Variants in KDM5B observed in about 807,000 individuals in gnomAD.
KDM5B encodes the protein lysine demethylase 5B.
Under a neutral mutation model 193.4 loss-of-function variants are expected in KDM5B, and 144 were observed. The observed-to-expected ratio is 0.74, with a 90% CI of 0.65 to 0.86. The LOEUF is 0.86. Among genes scored for constraint, KDM5B ranks in the 40% least tolerant of loss-of-function variants. The pLI is 0.00. For synonymous variants in KDM5B, 668 were observed against 682.6 expected (o/e 0.98, Z 0.33); for missense variants, 1,833 against 1,886.9 (o/e 0.97, Z 0.53).
chr1:202,782,721 T>C (rs978880581), intron 1 of KDM5B, among the ~76,000 whole-genome samples: 7 of 152,218 alleles, frequency 4.6e-5, no homozygotes, highest in Admixed American at 3.3e-4. Flanking sequence ...GTAAAACTTG[T>C]ACTCCCTATC....
rs1471891697 is a variant in KDM5B, at chr1:202,779,842, A to AATAG, written c.205-2749_205-2748insCTAT. 1.9e-3 allele frequency among the ~76,000 whole-genome samples: 284 copies of AATAG among 151,280 alleles called. 6 individuals carry two copies. In the East Asian group the frequency reaches 0.042, roughly 22 times the overall value. On this transcript the variant is annotated intron_variant, in intron 1 of 26. Transcript: ENST00000367265. Reference sequence around the variant, plus strand: ...AAATAAATAAATAAATAAATAAATAAATAAAAAATAAAGGAAGAAAAAACA... The same window carrying AATAG: ...AAATAAATAAATAAATAAATAAATAAATAGATAAAAAATAAAGGAAGAAAAAACA...
At position 202,726,037 on chromosome 1, in the gene KDM5B, A is replaced by T. The variant is rs4950740; in HGVS notation, c.*2999T>A. On this transcript the variant is annotated 3_prime_UTR_variant, in exon 27 of 27. Transcript: ENST00000367265. ...GGGCCTTCAGAGTACAACCCAAATCAGTAGAGAGCCATGTTTCACCCTCTT... is the reference window on the plus strand; with the variant it reads ...GGGCCTTCAGAGTACAACCCAAATCTGTAGAGAGCCATGTTTCACCCTCTT... 1.3e-5 allele frequency: 2 copies of T among 152,028 alleles called. No individual in the cohort carries two copies. Among genetic ancestry groups the T allele is most frequent in the African/African-American group, 4.8e-5 (2 of 41,358 alleles). 9.4% of individuals were successfully genotyped at this position (152,028 alleles called of 1,614,324 possible).
intron 4 of KDM5B, among the ~76,000 whole-genome samples, chr1:202,769,309 T>A (rs1238616667): frequency 6.6e-6 from 1 of 151,238 alleles, no homozygotes; most frequent in Non-Finnish European, 1.5e-5. Context: ...GTGCTGGGAT[T>A]ACAGGCGTGA....
chr1:202,733,590 C>A lies in KDM5B; in HGVS notation c.3720G>T (p.Gln1240His). 2 of 1,614,156 alleles carry A rather than the reference C, an allele frequency of 1.2e-6. No individual in the cohort carries two copies. The highest frequency in any genetic ancestry group is 2.2e-5 in the East Asian group (1 of 44,882). Residue 1240 changes from glutamine to histidine, a missense_variant, in exon 23 of 27, where the codon CAG (glutamine) becomes CAT (histidine). Gln to His is a conservative substitution (Grantham distance 24). Around this residue, in one of 3 missense-constraint regions of KDM5B, gnomAD observed 1,379 missense variants for 1,349.6 expected, o/e 1.02. Transcript: ENST00000367265. ...EKILPLLASL[Q>H]RIRVRLPEGD... is the part of the protein sequence containing the mutation. The stretch of plus-strand genomic sequence containing the variant: ...CCTCAGGAAGGCGAACTCGGATACG[C>A]TGAAGGGAGGCGAGCAGGGGCAGAA...
Position 202,756,585 on chromosome 1 carries a change from T to C in KDM5B, c.1198-69A>G, listed in dbSNP as rs141888858. 2.0e-5 allele frequency: 25 copies of C among 1,250,854 alleles called. No individual in the cohort carries two copies. In the African/African-American group the frequency reaches 3.5e-4, roughly 17 times the overall value. 77.5% of individuals were successfully genotyped at this position (1,250,854 alleles called of 1,614,324 possible). A position where few individuals can be genotyped will look rare whatever the true frequency, so the allele number is the denominator to read the frequency against. ...GTCTGTGACCAATTAAGCTCAGTGA[T>C]GGGAATCAAAGAACAGCATCCTAAG... On this transcript the variant is annotated intron_variant, in intron 9 of 26. Transcript: ENST00000367265.
In KDM5B at chr1:202,733,425, T is replaced by C. The variant is rs759826874; in HGVS notation, c.3885A>G (p.Ala1295=). The change falls in exon 23 of 27, where the codon GCA becomes GCG. Residue 1295 remains alanine, a synonymous_variant. Transcript: ENST00000367265. ...GLLYSRWQAS[A]GQVSDTNKVS... ...CCTTGTTTGTGTCTGACACCTGTCC[T>C]GCTGAGGCTTGCCATCTGCTATATA... The C allele has an allele frequency of 6.2e-7, 1 of 1,613,226 alleles. No homozygotes were observed.
At chr1:202,760,128 A>G (rs1192348894) in intron 8 of KDM5B, among the ~76,000 whole-genome samples, 1 of 152,074 alleles carries the variant, frequency 6.6e-6, no homozygotes, top group Non-Finnish European at 1.5e-5. Flanking sequence ...GCCCTGGGCA[A>G]CATGGTGAAA....
At position 202,729,909 on chromosome 1, in the gene KDM5B, G is replaced by A. The variant is rs761059206; in HGVS notation, c.4295C>T (p.Thr1432Ile). The change falls in exon 26 of 27, where the codon ACC becomes ATC. Residue 1432 changes from threonine (T) to isoleucine (I), a missense_variant. Physicochemically the swap from Thr to Ile is moderately conservative, Grantham distance 89. Transcript: ENST00000367265. ...ERWERVKKMR[T>I]PKKKKIKLSH... ...CAGTTTGATTTTCTTCTTTTTGGGGGTCCGCATTTTCTTAACTCGTTCCCA... is the reference window on the plus strand; with the variant it reads ...CAGTTTGATTTTCTTCTTTTTGGGGATCCGCATTTTCTTAACTCGTTCCCA... 51 of 1,613,922 alleles carry A rather than the reference G, an allele frequency of 3.2e-5. No individual in the cohort carries two copies. In the South Asian group the frequency reaches 5.3e-4, roughly 17 times the overall value.
chr1:202,753,137 T>G (rs191950119), intron 11 of KDM5B, 70 bp from the exon 12 acceptor site: 450 of 1,349,328 alleles, frequency 3.3e-4, no homozygotes, highest in Non-Finnish European at 4.4e-4. Flanking sequence ...CCAGTTCATA[T>G]TTTTCAGACT....
chr1:202,758,585 G>A (rs1252125426), intron 8 of KDM5B, 75 bp from the exon 9 acceptor site: 5 of 1,273,706 alleles, frequency 3.9e-6, no homozygotes, highest in Non-Finnish European at 5.3e-6. Flanking sequence ...CAAGCTGGCA[G>A]ATAAAAAACA....
chr1:202,798,525 A>C (rs956946112), intron 1 of KDM5B, among the ~76,000 whole-genome samples: 2 of 151,482 alleles, frequency 1.3e-5, no homozygotes, highest in East Asian at 3.9e-4. Flanking sequence ...ACATCCCTTC[A>C]TGGCCAGCCT....
intron 18 of KDM5B, among the ~76,000 whole-genome samples, chr1:202,742,037 G>A (rs1266053784): frequency 1.3e-5 from 2 of 150,924 alleles, no homozygotes; most frequent in Non-Finnish European, 2.9e-5. Flanking sequence ...CACCATGCCC[G>A]GCTAATTTTT....
At chr1:202,783,281 A>C (rs1310689870) in intron 1 of KDM5B, among the ~76,000 whole-genome samples, 1 of 151,222 alleles carries the variant, frequency 6.6e-6, no homozygotes, top group Admixed American at 6.6e-5. Flanking sequence ...AGAAAAGAAG[A>C]GAAGAGAAAA....
intron 16 of KDM5B, among the ~76,000 whole-genome samples, chr1:202,743,508 C>T (rs190633294): frequency 2.6e-5 from 4 of 152,278 alleles, no homozygotes; most frequent in South Asian, 4.1e-4. Flanking sequence ...TGCTCAGTTA[C>T]TAGAGCACAG....
At chr1:202,769,833 C>T (rs918826370) in intron 4 of KDM5B, among the ~76,000 whole-genome samples, 2 of 152,016 alleles carry the variant, frequency 1.3e-5, no homozygotes, top group Non-Finnish European at 2.9e-5. Context: ...TGAAAGCATG[C>T]AGAGGGGAAT....
At chr1:202,748,476 T>C (rs1049999856) in intron 14 of KDM5B, among the ~76,000 whole-genome samples, 17 of 150,528 alleles carry the variant, frequency 1.1e-4, no homozygotes, top group Non-Finnish European at 1.5e-5. Flanking sequence ...AGCCACAGAC[T>C]GGGAGAAAAC....
chr1:202,792,031 A>G (rs1245547278), intron 1 of KDM5B, among the ~76,000 whole-genome samples: 2 of 152,180 alleles, frequency 1.3e-5, no homozygotes, highest in Non-Finnish European at 2.9e-5. Context: ...TGACATATCA[A>G]TAATAAGTAC....
intron 23 of KDM5B, 66 bp from the exon 24 acceptor site, chr1:202,732,005 T>G: frequency 9.9e-7 from 1 of 1,011,858 alleles, no homozygotes; most frequent in Non-Finnish European, 1.5e-6. Flanking sequence ...ATTAGTCCAA[T>G]GACAGTAGCT....
At chr1:202,758,748 G>C in intron 8 of KDM5B, 1 of 318,626 alleles carries the variant, frequency 3.1e-6, no homozygotes, top group South Asian at 8.0e-5. Flanking sequence ...ACCACAACTT[G>C]GATAAATTTA....
Sources: allele counts gnomAD v4.1 joint callset (sites outside exome capture counted in the v4.1 genomes callset), GRCh38; gene constraint gnomAD v4.1.1; regional missense constraint gnomAD v4.1.1; transcripts MANE v1.5; gene names NCBI Gene and HGNC (gene_info 2026-07-23, HGNC 2026-07-21).